The following SH3BGRL variants were observed in gnomAD, a reference collection of about 807,000 sequenced individuals.
SH3BGRL encodes SH3 domain binding glutamate rich protein like.
In SH3BGRL, 7 loss-of-function variants were observed where a neutral mutation model predicts 9.8. The observed-to-expected ratio is 0.72, with a 90% CI of 0.41 to 1.35. The LOEUF (loss-of-function observed/expected upper bound fraction) is 1.35. Ranked by LOEUF, SH3BGRL falls within the 40% of genes most tolerant of loss-of-function variation. The probability of loss-of-function intolerance (pLI) is 0.01; values close to 1 mark genes in which losing one functional copy is unlikely to be tolerated. For missense variants in SH3BGRL, 73 were observed against 84.4 expected, an observed-to-expected ratio of 0.86 and a Z score of 0.53; for synonymous variants, 36 against 29.1, an observed-to-expected ratio of 1.24 and a Z score of -0.76.
At chrX:81,253,013 T>G (rs2075715449) in intron 1 of SH3BGRL, among the ~76,000 whole-genome samples, 1 of 112,538 alleles carries the variant, frequency 8.9e-6, no homozygotes. Flanking sequence ...GTTATTTTCT[T>G]TTTTCAACTT....
intron 1 of SH3BGRL, among the ~76,000 whole-genome samples, chrX:81,252,536 T>G (rs1602612256): frequency 9.1e-6 from 1 of 110,167 alleles, no homozygotes; most frequent in African/African-American, 3.4e-5. Context: ...TATTCAGTCT[T>G]TTGGCGTCCC....
intron 1 of SH3BGRL, among the ~76,000 whole-genome samples, chrX:81,257,451 A>G (rs1167552370): frequency 8.9e-6 from 1 of 111,849 alleles, no homozygotes; most frequent in Non-Finnish European, 1.9e-5. Context: ...GTCCTGGCAC[A>G]GCTTAGCTGA....
In SH3BGRL at chrX:81,241,763, C is replaced by A. The variant is rs1003756958; in HGVS notation, c.46-35221C>A. Reference sequence around the variant, plus strand: ...ACATCCTCTTTGGGGCTCTGCAGTTCCTGGCATCTGCAACTTCCAAGCATC... The same window carrying A: ...ACATCCTCTTTGGGGCTCTGCAGTTACTGGCATCTGCAACTTCCAAGCATC... On this transcript the variant is annotated intron_variant, in intron 1 of 3. Transcript: ENST00000373212. Among the ~76,000 whole-genome samples the A allele has an allele frequency of 2.7e-5, 3 of 112,309 alleles. No individual in the cohort carries two copies. The South Asian group carries it at 1.1e-3, about 41-fold the overall frequency.
intron 1 of SH3BGRL, among the ~76,000 whole-genome samples, chrX:81,240,418 G>A (rs1878202680): frequency 8.9e-6 from 1 of 111,785 alleles, no homozygotes; most frequent in Admixed American, 9.5e-5. Context: ...TGAACAATCT[G>A]AAAAAGAAAT....
At chrX:81,270,522 T>G (rs772271253) in intron 1 of SH3BGRL, among the ~76,000 whole-genome samples, 2 of 112,147 alleles carry the variant, frequency 1.8e-5, no homozygotes, top group Non-Finnish European at 3.8e-5. Context: ...AGGTCCACTC[T>G]AGACCCTGTT....
chrX:81,251,084 C>A (rs746768757), intron 1 of SH3BGRL, among the ~76,000 whole-genome samples: 6 of 111,934 alleles, frequency 5.4e-5, no homozygotes, highest in Non-Finnish European at 9.4e-5. Context: ...TCAAAGGACA[C>A]CCAGCTCTCT....
intron 1 of SH3BGRL, among the ~76,000 whole-genome samples, chrX:81,246,187 T>A (rs1291656793): frequency 8.9e-6 from 1 of 112,102 alleles, no homozygotes. Flanking sequence ...TTAATTTGTT[T>A]AAGTTCCTTA....
intron 1 of SH3BGRL, among the ~76,000 whole-genome samples, chrX:81,221,148 C>A (rs2075598974): frequency 9.0e-6 from 1 of 111,590 alleles, no homozygotes; most frequent in Admixed American, 9.5e-5. Context: ...TACAGGGCAA[C>A]TGAATTCTAA....
chrX:81,251,218 G>A (rs1198305405), intron 1 of SH3BGRL, among the ~76,000 whole-genome samples: 1 of 111,309 alleles, frequency 9.0e-6, no homozygotes, highest in Non-Finnish European at 1.9e-5. Flanking sequence ...CTTGAATGCT[G>A]GAAAATGTAT....
intron 1 of SH3BGRL, among the ~76,000 whole-genome samples, chrX:81,262,469 C>T (rs1261855234): frequency 9.0e-6 from 1 of 111,387 alleles, no homozygotes; most frequent in African/African-American, 3.3e-5. Flanking sequence ...AATACTTAAC[C>T]AGGGCCCCTG....
chrX:81,288,508 C>G (rs1317898708), intron 3 of SH3BGRL, among the ~76,000 whole-genome samples: 1 of 112,035 alleles, frequency 8.9e-6, no homozygotes, highest in Non-Finnish European at 1.9e-5. Context: ...TCCCTGTTTG[C>G]AAATGATATA....
chrX:81,272,987 C>T (rs767448130), intron 1 of SH3BGRL, among the ~76,000 whole-genome samples: 39 of 111,545 alleles, frequency 3.5e-4, no homozygotes, highest in Non-Finnish European at 5.3e-4. Flanking sequence ...TTATAGAGTT[C>T]GATTATATGT....
At chrX:81,291,185 C>G (rs1189929790) in intron 3 of SH3BGRL, among the ~76,000 whole-genome samples, 1 of 111,491 alleles carries the variant, frequency 9.0e-6, no homozygotes, top group Non-Finnish European at 1.9e-5. Context: ...AAAGGTGAGT[C>G]TATTAGTTCA....
chrX:81,252,598 C>T (rs142384715), intron 1 of SH3BGRL, among the ~76,000 whole-genome samples: 1,981 of 111,581 alleles, frequency 0.018, 18 homozygotes, highest in Middle Eastern at 0.061. Context: ...AATACAGTAA[C>T]CCTAATGATA....
chrX:81,290,337 G>T (rs2075853429), intron 3 of SH3BGRL, among the ~76,000 whole-genome samples: 1 of 112,013 alleles, frequency 8.9e-6, no homozygotes, highest in South Asian at 3.7e-4. Context: ...AAGTGTCCAT[G>T]AACAGATGAG....
intron 1 of SH3BGRL, among the ~76,000 whole-genome samples, chrX:81,222,328 C>G (rs1208682357): frequency 1.2e-5 from 1 of 80,507 alleles, no homozygotes; most frequent in East Asian, 5.0e-4. Flanking sequence ...CCCCCTCCCC[C>G]CACCCCACAA....
intron 3 of SH3BGRL, among the ~76,000 whole-genome samples, chrX:81,279,438 G>T (rs772212822): frequency 9.0e-6 from 1 of 110,969 alleles, no homozygotes; most frequent in African/African-American, 3.3e-5. Flanking sequence ...GCAATCCTGA[G>T]AGGACCCACA....
At chrX:81,282,067 T>C (rs142449735) in intron 3 of SH3BGRL, among the ~76,000 whole-genome samples, 32 of 111,618 alleles carry the variant, frequency 2.9e-4, no homozygotes, top group African/African-American at 1.0e-3. Context: ...AAAGCAACAG[T>C]GGTAAAAGAG....
At chrX:81,281,776 G>GA (rs1443889318) in intron 3 of SH3BGRL, among the ~76,000 whole-genome samples, 7 of 111,619 alleles carry the variant, frequency 6.3e-5, no homozygotes, top group Admixed American at 9.5e-5. Flanking sequence ...AAACAACAAT[G>GA]AAAAAATCTA....
Sources: gnomAD v4.1 joint callset for allele counts (sites outside exome capture counted in the v4.1 genomes callset) on GRCh38, gnomAD v4.1.1 for gene constraint, MANE v1.5 for transcripts, NCBI Gene and HGNC (gene_info 2026-07-23, HGNC 2026-07-21) for gene names.